BMPR1B: variants seen among roughly 807,000 people sequenced by gnomAD.
The protein encoded by BMPR1B is bone morphogenetic protein receptor type 1B.
In BMPR1B, 12 loss-of-function variants were observed where a neutral mutation model predicts 59.1. The observed-to-expected ratio is 0.20, with a 90% CI of 0.13 to 0.33. The LOEUF is 0.33. Among genes scored for constraint, BMPR1B ranks in the 10% least tolerant of loss-of-function variants. The pLI is 1.00. For missense variants in BMPR1B, 550 were observed against 610.9 expected, an observed-to-expected ratio of 0.90 and a Z score of 1.05; for synonymous variants, 237 against 207.3, an observed-to-expected ratio of 1.14 and a Z score of -1.23.
chr4:95,030,748 A>C lies in BMPR1B; in HGVS notation c.-18+34614A>C, dbSNP rs575728880. Among the ~76,000 whole-genome samples the C allele has an allele frequency of 2.8e-4, 43 of 152,240 alleles. No individual in the cohort carries two copies. The South Asian group carries it at 4.1e-3, about 15-fold the overall frequency. On this transcript the variant is annotated intron_variant, in intron 3 of 12. Transcript: ENST00000515059. ...ATAACAGACAAACAGAGAGCCAAAT[A>C]ATGAGTGAACTCCCATTCACGATTG...
At chr4:95,032,295 G>C (rs987084599) in intron 3 of BMPR1B, among the ~76,000 whole-genome samples, 2 of 152,014 alleles carry the variant, frequency 1.3e-5, no homozygotes, top group African/African-American at 4.8e-5. Context: ...GCACAGGTGT[G>C]AGCAAGTGTA....
intron 2 of BMPR1B, among the ~76,000 whole-genome samples, chr4:94,975,883 A>G (rs1310402471): frequency 6.6e-6 from 1 of 152,208 alleles, no homozygotes; most frequent in Non-Finnish European, 1.5e-5. Context: ...GAGGTTTAGT[A>G]ATTGGTGCTT....
intron 3 of BMPR1B, among the ~76,000 whole-genome samples, chr4:95,059,375 A>G (rs1439746806): frequency 2.0e-5 from 3 of 152,166 alleles, no homozygotes; most frequent in Non-Finnish European, 4.4e-5. Context: ...AGACAGTATC[A>G]CTAAATATTT....
chr4:95,133,390 C>A (rs1733525206), intron 10 of BMPR1B, among the ~76,000 whole-genome samples: 1 of 152,082 alleles, frequency 6.6e-6, no homozygotes, highest in Admixed American at 6.6e-5. Flanking sequence ...TGACCCTGGG[C>A]TATTCTTCTG....
chr4:95,133,516 C>T (rs892128438), intron 10 of BMPR1B, among the ~76,000 whole-genome samples: 1 of 152,198 alleles, frequency 6.6e-6, no homozygotes, highest in Non-Finnish European at 1.5e-5. Flanking sequence ...CCCATATCCC[C>T]TTCTGTATCT....
intron 1 of BMPR1B, among the ~76,000 whole-genome samples, chr4:94,766,608 A>AT (rs1721979077): frequency 6.6e-6 from 1 of 151,944 alleles, no homozygotes; most frequent in South Asian, 2.1e-4. Context: ...AAGAATGTTC[A>AT]TTGAAGTGAA....
intron 2 of BMPR1B, among the ~76,000 whole-genome samples, chr4:94,934,790 A>G (rs929493251): frequency 6.6e-6 from 1 of 152,156 alleles, no homozygotes; most frequent in Non-Finnish European, 1.5e-5. Context: ...TTTTGGAAGC[A>G]TGATACTTCA....
chr4:95,009,343 G>A (rs566772783), intron 3 of BMPR1B, among the ~76,000 whole-genome samples: 1 of 152,208 alleles, frequency 6.6e-6, no homozygotes, highest in South Asian at 2.1e-4. Flanking sequence ...AGTATACATA[G>A]TAGGGAAACA....
intron 1 of BMPR1B, among the ~76,000 whole-genome samples, chr4:94,865,503 G>C (rs1468741576): frequency 6.6e-6 from 1 of 151,870 alleles, no homozygotes; most frequent in African/African-American, 2.4e-5. Context: ...CAATTGTCCT[G>C]CCTCAGCCTC....
chr4:95,014,932 C>T (rs954238235), intron 3 of BMPR1B, among the ~76,000 whole-genome samples: 3 of 152,114 alleles, frequency 2.0e-5, no homozygotes, highest in Non-Finnish European at 2.9e-5. Context: ...GCTGTCCCTC[C>T]GTCCCAGAGG....
At chr4:95,079,379 T>C (rs1728944798) in intron 3 of BMPR1B, among the ~76,000 whole-genome samples, 1 of 152,194 alleles carries the variant, frequency 6.6e-6, no homozygotes, top group African/African-American at 2.4e-5. Flanking sequence ...GATGTAGCAG[T>C]TAGCCAAAGG....
chr4:95,122,359 C>A (rs1434542), intron 6 of BMPR1B, among the ~76,000 whole-genome samples: 15,609 of 151,092 alleles, frequency 0.1, 1,973 homozygotes, highest in African/African-American at 0.3. Context: ...AGTCATGTTG[C>A]AATAATAAAT....
intron 2 of BMPR1B, among the ~76,000 whole-genome samples, chr4:94,914,478 T>C (rs558972845): frequency 4.6e-5 from 7 of 152,192 alleles, no homozygotes; most frequent in African/African-American, 1.7e-4. Flanking sequence ...CTTAGAGTAT[T>C]AATTGAGTGA....
chr4:95,080,525 CA>C (rs1286216752), intron 3 of BMPR1B, among the ~76,000 whole-genome samples: 1 of 152,152 alleles, frequency 6.6e-6, no homozygotes, highest in Non-Finnish European at 1.5e-5. Context: ...CGTGAGCCAC[CA>C]CACCTGGCCT....
At chr4:94,783,878 C>T (rs779847758) in intron 1 of BMPR1B, among the ~76,000 whole-genome samples, 5 of 152,076 alleles carry the variant, frequency 3.3e-5, no homozygotes, top group Non-Finnish European at 7.4e-5. Context: ...TGCTGGTGGC[C>T]CCTCCCTCCT....
chr4:94,837,765 A>C (rs565790471), intron 1 of BMPR1B, among the ~76,000 whole-genome samples: 1 of 142,002 alleles, frequency 7.0e-6, no homozygotes, highest in African/African-American at 2.7e-5. Flanking sequence ...TCTCCTGCCT[A>C]ATTGCCCTGG....
chr4:95,072,080 A>C (rs1445965887), intron 3 of BMPR1B, among the ~76,000 whole-genome samples: 4 of 152,094 alleles, frequency 2.6e-5, no homozygotes, highest in Admixed American at 2.6e-4. Context: ...CAAAGTCAAG[A>C]CTTAAGCAGA....
At chr4:94,845,631 C>T (rs772212953) in intron 1 of BMPR1B, among the ~76,000 whole-genome samples, 54 of 152,246 alleles carry the variant, frequency 3.5e-4, no homozygotes, top group Middle Eastern at 3.4e-3. Context: ...CGTGAGCCAT[C>T]GTGCCTGGCC....
chr4:94,813,578 C>T (rs2110642289), intron 1 of BMPR1B, among the ~76,000 whole-genome samples: 1 of 152,234 alleles, frequency 6.6e-6, no homozygotes, highest in Admixed American at 6.5e-5. Context: ...TGTTGTCAGG[C>T]TCGATCTTGG....
Sources: gnomAD v4.1 joint callset for allele counts (sites outside exome capture counted in the v4.1 genomes callset) on GRCh38, gnomAD v4.1.1 for gene constraint, MANE v1.5 for transcripts, NCBI Gene and HGNC (gene_info 2026-07-23, HGNC 2026-07-21) for gene names.